The following ADD1 variants were observed in gnomAD, a reference collection of about 807,000 sequenced individuals.
ADD1 encodes the protein alpha-adducin.
ADD1 carries 24 observed loss-of-function variants against 80.5 expected under a neutral mutation model. The ratio of observed to expected loss-of-function variants is 0.30; its 90% CI spans 0.22 to 0.42. The LOEUF (loss-of-function observed/expected upper bound fraction) is 0.42. Ranked by LOEUF, ADD1 falls within the 10% of genes least tolerant of loss-of-function variation. The pLI is 1.00. For missense variants in ADD1, 948 were observed against 1,019.0 expected (o/e 0.93, Z 0.95); for synonymous variants, 373 against 393.8 (o/e 0.95, Z 0.63).
chr4:2,890,638 G>A lies in ADD1; in HGVS notation c.511-3375G>A, dbSNP rs989548545. On this transcript the variant is annotated intron_variant, in intron 4 of 15. Transcript: ENST00000683351. ...TTAGCCAGGATGGTCTCCATCTCCTGACCTTGTGATCCGCCCTTCTCGCCC... is the reference window on the plus strand; with the variant it reads ...TTAGCCAGGATGGTCTCCATCTCCTAACCTTGTGATCCGCCCTTCTCGCCC... Among the ~76,000 whole-genome samples the A allele has an allele frequency of 3.3e-5, 5 of 152,076 alleles. No individual in the cohort carries two copies. In the East Asian group the frequency reaches 9.6e-4, roughly 29 times the overall value.
At chr4:2,918,096 C>T (rs1027658599) in intron 14 of ADD1, among the ~76,000 whole-genome samples, 1 of 152,196 alleles carries the variant, frequency 6.6e-6, no homozygotes, top group Non-Finnish European at 1.5e-5. Context: ...AGCATTGAAT[C>T]TATAAATTAC....
chr4:2,915,936 C>T (rs1738950043), intron 14 of ADD1, among the ~76,000 whole-genome samples: 1 of 152,162 alleles, frequency 6.6e-6, no homozygotes, highest in Non-Finnish European at 1.5e-5. Context: ...TACTAAGACA[C>T]ACCGGGGCCC....
intron 2 of ADD1, chr4:2,881,577 T>C (rs1273239387): frequency 9.8e-6 from 2 of 204,062 alleles, no homozygotes; most frequent in Non-Finnish European, 1.9e-5. Context: ...GATTGAAACG[T>C]AGGATGTTTT....
intron 9 of ADD1, chr4:2,899,938 A>T (rs916902897): frequency 4.2e-6 from 1 of 237,528 alleles, no homozygotes; most frequent in Admixed American, 5.3e-5. Flanking sequence ...AGGCGGGCTT[A>T]TGGGGCCTGC....
intron 14 of ADD1, among the ~76,000 whole-genome samples, chr4:2,924,972 C>T (rs952494852): frequency 1.3e-5 from 2 of 152,136 alleles, no homozygotes; most frequent in Non-Finnish European, 2.9e-5. Flanking sequence ...AGTTTCCCCC[C>T]GATGTGTGAG....
In ADD1 at chr4:2,927,230, C is replaced by T. The variant is rs566324527; in HGVS notation, c.2048-941C>T. ...TGCCCAGCAGAGCGGGCCCCATCTCCTCAGGGGGAGCGGCGCCTGTGTGCC... is the reference window on the plus strand; with the variant it reads ...TGCCCAGCAGAGCGGGCCCCATCTCTTCAGGGGGAGCGGCGCCTGTGTGCC... On this transcript the variant is annotated intron_variant, in intron 15 of 15. Transcript: ENST00000683351. 5.6e-4 allele frequency among the ~76,000 whole-genome samples: 86 copies of T among 152,328 alleles called. 2 individuals are homozygous for T. Among genetic ancestry groups the T allele is most frequent in the African/African-American group, 1.9e-3 (77 of 41,568 alleles).
In ADD1 at chr4:2,898,698, T is replaced by C. The variant is rs1174933469; in HGVS notation, c.984+167T>C. 5 of 639,750 alleles carry C rather than the reference T, an allele frequency of 7.8e-6. No individual in the cohort carries two copies. The Admixed American group carries it at 1.4e-4, about 18-fold the overall frequency. The allele number at this position is 639,750 out of a possible 1,614,324, so 39.6% of individuals were successfully genotyped here. ...TTGATCAGGACAAATGCTGTTTCAC[T>C]GATTGAAGTTGGCAAAGGATTACTG... On this transcript the variant is annotated intron_variant, in intron 8 of 15. Transcript: ENST00000683351.
intron 1 of ADD1, among the ~76,000 whole-genome samples, chr4:2,874,756 A>C (rs1731004564): frequency 6.6e-6 from 1 of 152,190 alleles, no homozygotes; most frequent in Admixed American, 6.5e-5. Context: ...CACAATAAAA[A>C]TATCTTTTTT....
intron 13 of ADD1, among the ~76,000 whole-genome samples, chr4:2,911,154 A>C (rs1032577732): frequency 2.3e-4 from 35 of 152,084 alleles, no homozygotes; most frequent in African/African-American, 8.2e-4. Flanking sequence ...ACTGTGTCCC[A>C]CACACTCCCC....
At chr4:2,898,647 C>T (rs960365670) in intron 8 of ADD1, 116 bp downstream of exon 8, 4 of 876,444 alleles carry the variant, frequency 4.6e-6, no homozygotes, top group Non-Finnish European at 7.6e-6. Flanking sequence ...ATCTCTTTGC[C>T]AAAGATAAGC....
intron 13 of ADD1, chr4:2,914,648 T>C: frequency 2.3e-6 from 1 of 435,458 alleles, no homozygotes; most frequent in Non-Finnish European, 4.0e-6. Flanking sequence ...CCTGGAAGGC[T>C]CTGTAGGATT....
Position 2,928,154 on chromosome 4 carries a change from C to G in ADD1, c.2048-17C>G. 2 of 1,612,122 alleles carry G rather than the reference C, an allele frequency of 1.2e-6. No individual in the cohort carries two copies. The highest frequency in any genetic ancestry group is 1.7e-6 in the Non-Finnish European group (2 of 1,178,736). Reference sequence around the variant, plus strand: ...TGGGCAGGAACCCTTAATCCCATCTCTCACCTCACCCACTAGACCTTGTGC... The same window carrying G: ...TGGGCAGGAACCCTTAATCCCATCTGTCACCTCACCCACTAGACCTTGTGC... On this transcript the variant is annotated splice_polypyrimidine_tract_variant and intron_variant, in intron 15 of 15. Transcript: ENST00000683351.
Position 2,909,602 on chromosome 4 carries a change from T to TAAA in ADD1, c.1791+173_1791+174insAAA, listed in dbSNP as rs753635430. ...GTTCTGTTCTACCTACTTGATTCTT[T>TAAA]AATTAAAACATTTGCTATGAGGTGT... On this transcript the variant is annotated intron_variant, in intron 13 of 15. Coordinates refer to ENST00000683351, the MANE Select transcript of ADD1 (RefSeq NM_001354761.2). Among the ~76,000 whole-genome samples, 173 of 152,094 alleles carry TAAA rather than the reference T, an allele frequency of 1.1e-3. 2 individuals are homozygous for TAAA. The highest frequency in any genetic ancestry group is 6.8e-4 in the African/African-American group (28 of 41,402).
chr4:2,911,655 C>G (rs1738080940), intron 13 of ADD1, among the ~76,000 whole-genome samples: 1 of 151,912 alleles, frequency 6.6e-6, no homozygotes, highest in African/African-American at 2.4e-5. Flanking sequence ...TGGGTTCCGC[C>G]ACGTTGCCCA....
At chr4:2,907,325 A>G (rs1403900814) in intron 10 of ADD1, 1 of 169,210 alleles carries the variant, frequency 5.9e-6, no homozygotes, top group Non-Finnish European at 1.3e-5. Context: ...AACCCTGGGT[A>G]GCAGCATCAC....
chr4:2,885,710 C>T (rs1018596845), intron 4 of ADD1, among the ~76,000 whole-genome samples: 3 of 151,800 alleles, frequency 2.0e-5, no homozygotes, highest in Admixed American at 6.6e-5. Flanking sequence ...CCCGGGTTCA[C>T]GCCATTCTCC....
intron 2 of ADD1, among the ~76,000 whole-genome samples, chr4:2,876,852 AT>A (rs941208628): frequency 1.3e-5 from 2 of 151,510 alleles, no homozygotes; most frequent in Non-Finnish European, 2.9e-5. Flanking sequence ...AAAAAAAAAA[AT>A]TAGCCGGGCA....
chr4:2,895,954 C>A (rs1250672983), intron 6 of ADD1, among the ~76,000 whole-genome samples: 1 of 150,414 alleles, frequency 6.6e-6, no homozygotes, highest in Non-Finnish European at 1.5e-5. Flanking sequence ...ATGGCGCGAT[C>A]GCGGCTCACT....
rs374802465 is a variant in ADD1, at chr4:2,926,630, C to T, written c.2047+518C>T. ...TTGTGCTTTTTTCTCCCTGTGGCTG[C>T]GTCACAAGCAGGAGACGGATGCGCT... On this transcript the variant is annotated intron_variant, in intron 15 of 15. Transcript: ENST00000683351. The surrounding 1 kb of genome is among the most constrained non-coding windows in gnomAD (Gnocchi z 5.0). 26 of 1,613,548 alleles carry T rather than the reference C, an allele frequency of 1.6e-5. No individual in the cohort carries two copies. Among genetic ancestry groups the T allele is most frequent in the East Asian group, 4.5e-5 (2 of 44,874 alleles).
Sources: allele counts gnomAD v4.1 joint callset (sites outside exome capture counted in the v4.1 genomes callset), GRCh38; gene constraint gnomAD v4.1.1; non-coding constraint Gnocchi (gnomAD v3.1); transcripts MANE v1.5; gene names NCBI Gene and HGNC (gene_info 2026-07-23, HGNC 2026-07-21).